The following GSDME variants were observed in gnomAD, a reference collection of about 807,000 sequenced individuals.
GSDME encodes gasdermin E, also known as gasdermin-E.
In GSDME, 44 loss-of-function variants were observed where a neutral mutation model predicts 47.5. The ratio of observed to expected loss-of-function variants is 0.93; its 90% CI spans 0.73 to 1.19. The LOEUF is 1.19. GSDME is among the 50% of genes most tolerant of loss of function. The pLI, the probability that GSDME is intolerant of heterozygous loss-of-function variation, is 0.00. For synonymous variants in GSDME, 258 were observed against 252.8 expected (o/e 1.02, Z -0.20); for missense variants, 663 against 604.2 (o/e 1.10, Z -1.02).
the GSDME span, among the ~76,000 whole-genome samples, chr7:24,766,142 A>G: frequency 6.6e-6 from 1 of 151,208 alleles, no homozygotes; most frequent in African/African-American, 2.4e-5. This position sits in a 1 kb window ranked among gnomAD's most constrained non-coding sequence, Gnocchi z 4.2. Context: ...CCTGTAGTTC[A>G]GTCTAGTGAT....
chr7:24,782,368 C>A, the GSDME span, among the ~76,000 whole-genome samples: 1 of 152,156 alleles, frequency 6.6e-6, no homozygotes, highest in Non-Finnish European at 1.5e-5. Context: ...TTTCCAGTTT[C>A]ATCCATGTCG....
chr7:24,793,963 C>CG, the GSDME span, among the ~76,000 whole-genome samples: 4 of 152,308 alleles, frequency 2.6e-5, no homozygotes, highest in Non-Finnish European at 4.4e-5. Flanking sequence ...AGGAAGGCTA[C>CG]GGGTTGTCAG....
chr7:24,747,966 C>A (rs1378966221), intron 2 of GSDME, among the ~76,000 whole-genome samples: 1 of 151,896 alleles, frequency 6.6e-6, no homozygotes, highest in African/African-American at 2.4e-5. Context: ...CTGCACCCAG[C>A]CCCAACATTA....
chr7:24,792,775 A>G, the GSDME span, among the ~76,000 whole-genome samples: 2 of 151,118 alleles, frequency 1.3e-5, no homozygotes, highest in Non-Finnish European at 3.0e-5. Context: ...AGCGCAAGGT[A>G]GGGTCCTTCC....
chr7:24,710,613 AG>A, intron 5 of GSDME: 1 of 566,988 alleles, frequency 1.8e-6, no homozygotes, highest in South Asian at 2.0e-5. Flanking sequence ...TCTTACATAA[AG>A]CTCCCTAATA....
upstream of GSDME, among the ~76,000 whole-genome samples, chr7:24,762,431 A>G (rs1003721471): frequency 6.6e-6 from 1 of 152,234 alleles, no homozygotes; most frequent in Non-Finnish European, 1.5e-5. Flanking sequence ...TCAAAATAAT[A>G]TGATCCAGAG....
chr7:24,741,112 C>T (rs1166569874), intron 3 of GSDME, among the ~76,000 whole-genome samples: 1 of 152,092 alleles, frequency 6.6e-6, no homozygotes, highest in Admixed American at 6.6e-5. Flanking sequence ...AACCCAAGGG[C>T]AGAAACGGCT....
In GSDME at chr7:24,744,025, T is replaced by C. The variant is rs752347951; in HGVS notation, c.404+537A>G. 16 of 177,546 alleles carry C rather than the reference T, an allele frequency of 9.0e-5. No individual in the cohort carries two copies. The highest frequency in any genetic ancestry group is 1.2e-4 in the Non-Finnish European group (10 of 83,346). The allele number at this position is 177,546 out of a possible 1,614,324, so 11.0% of individuals were successfully genotyped here. A position where few individuals can be genotyped will look rare whatever the true frequency, so the allele number is the denominator to read the frequency against. On this transcript the variant is annotated intron_variant, in intron 3 of 9. Coordinates refer to ENST00000645220, the MANE Select transcript of GSDME (RefSeq NM_001127453.2). This position sits in a 1 kb window ranked among gnomAD's most constrained non-coding sequence, Gnocchi z 4.5. The stretch of plus-strand genomic sequence containing the variant: ...ACTCAATACAATTATTTTTTGAATG[T>C]TGAATAAATATGAGGTAAGAATAAT...
intron 3 of GSDME, among the ~76,000 whole-genome samples, chr7:24,741,235 A>G (rs1790481031): frequency 6.6e-6 from 1 of 152,204 alleles, no homozygotes; most frequent in Admixed American, 6.5e-5. Context: ...TACTTATGGT[A>G]GTGACAAATG....
chr7:24,701,623 GC>G lies in GSDME; in HGVS notation c.1257+1136del, dbSNP rs1247426455. 3.9e-5 allele frequency among the ~76,000 whole-genome samples: 6 copies of G among 152,348 alleles called. No homozygotes were observed. The East Asian group carries it at 1.2e-3, about 29-fold the overall frequency. Reference sequence around the variant, plus strand: ...AGAGGAGCTGAGATCTGAAAGCAGAGCTGTTGTTTTGCTCATCATTGCATAC... The same window carrying G: ...AGAGGAGCTGAGATCTGAAAGCAGAGTGTTGTTTTGCTCATCATTGCATAC... On this transcript the variant is annotated intron_variant, in intron 9 of 9. Coordinates refer to ENST00000645220, the MANE Select transcript of GSDME (RefSeq NM_001127453.2).
chr7:24,709,457 G>A (rs1789258170), intron 6 of GSDME, among the ~76,000 whole-genome samples: 2 of 152,144 alleles, frequency 1.3e-5, no homozygotes, highest in Admixed American at 1.3e-4. Context: ...TTCAAATACG[G>A]ACATTTTTGC....
At chr7:24,700,478 A>G (rs139108943) in intron 9 of GSDME, among the ~76,000 whole-genome samples, 1 of 152,306 alleles carries the variant, frequency 6.6e-6, no homozygotes, top group East Asian at 1.9e-4. Context: ...TAAGCCTAGA[A>G]AGTTTGCCTG....
intron 9 of GSDME, chr7:24,702,443 T>C (rs1584042757): frequency 2.8e-6 from 1 of 363,266 alleles, no homozygotes; most frequent in East Asian, 7.1e-5. Context: ...CAGGCCCCTT[T>C]ATTGTAATGT....
rs368846139 is a variant in GSDME at position 24,709,786 on chromosome 7, A to G, written c.862+438T>C. Among the ~76,000 whole-genome samples, 9 of 152,178 alleles carry G rather than the reference A, an allele frequency of 5.9e-5. No homozygotes were observed. The East Asian group carries it at 1.7e-3, about 29-fold the overall frequency. ...ATGCCATGTGGATAAAGAGCCTCCA[A>G]GAGAGCATTTTGCAAGGCTGACAAA... On this transcript the variant is annotated intron_variant, in intron 6 of 9. Coordinates refer to ENST00000645220, the MANE Select transcript of GSDME (RefSeq NM_001127453.2).
chr7:24,786,053 GA>G, the GSDME span, among the ~76,000 whole-genome samples: 1 of 152,208 alleles, frequency 6.6e-6, no homozygotes, highest in Non-Finnish European at 1.5e-5. The surrounding 1 kb of genome is among the most constrained non-coding windows in gnomAD (Gnocchi z 5.5). Context: ...TGGTGGTCAC[GA>G]ATAGTTGTTG....
chr7:24,766,214 T>TGTGTGTGTGTGCGC, the GSDME span, among the ~76,000 whole-genome samples: 11 of 151,400 alleles, frequency 7.3e-5, no homozygotes, highest in African/African-American at 2.2e-4. The surrounding 1 kb of genome is among the most constrained non-coding windows in gnomAD (Gnocchi z 4.2). Flanking sequence ...TGTGTGTGTG[T>TGTGTGTGTGTGCGC]GCATGTTTGC....
At chr7:24,730,178 G>A (rs929090864) in intron 3 of GSDME, among the ~76,000 whole-genome samples, 1 of 152,192 alleles carries the variant, frequency 6.6e-6, no homozygotes, top group Non-Finnish European at 1.5e-5. Context: ...TATATGAACA[G>A]CCCAAGTGGA....
At chr7:24,777,489 G>C in the GSDME span, among the ~76,000 whole-genome samples, 1 of 152,302 alleles carries the variant, frequency 6.6e-6, no homozygotes, top group East Asian at 1.9e-4. Flanking sequence ...GAAAAATGCA[G>C]ACATACAGAA....
At chr7:24,717,602 G>C (rs929090930) in intron 4 of GSDME, among the ~76,000 whole-genome samples, 1 of 152,190 alleles carries the variant, frequency 6.6e-6, no homozygotes, top group African/African-American at 2.4e-5. Context: ...ATCAAAGCGA[G>C]ATTATAGAGC....
Sources: allele counts gnomAD v4.1 joint callset (sites outside exome capture counted in the v4.1 genomes callset), GRCh38; gene constraint gnomAD v4.1.1; non-coding constraint Gnocchi (gnomAD v3.1); transcripts MANE v1.5; gene names NCBI Gene and HGNC (gene_info 2026-07-23, HGNC 2026-07-21).